Variants in LITAF observed in about 807,000 individuals in gnomAD.
The protein encoded by LITAF is lipopolysaccharide induced TNF factor, also known as lipopolysaccharide-induced tumor necrosis factor-alpha factor.
Under a neutral mutation model 14.5 loss-of-function variants are expected in LITAF, and 9 were observed. That is an observed-to-expected ratio of 0.62 (90% CI 0.37 to 1.08). The LOEUF is 1.08. LITAF is among the 50% of genes least tolerant of loss of function. The pLI, the probability that LITAF is intolerant of heterozygous loss-of-function variation, is 0.01. For synonymous variants in LITAF, 98 were observed against 88.2 expected (o/e 1.11, Z -0.62); for missense variants, 206 against 213.4 (o/e 0.97, Z 0.22).
chr16:11,554,794 A>C (rs929157493), intron 2 of LITAF, among the ~76,000 whole-genome samples: 1 of 151,258 alleles, frequency 6.6e-6, no homozygotes, highest in Non-Finnish European at 1.5e-5. Flanking sequence ...CCTCAAAAAA[A>C]AAAAAAAAAA....
intron 1 of LITAF, among the ~76,000 whole-genome samples, chr16:11,575,838 C>T (rs750872150): frequency 1.3e-5 from 2 of 152,098 alleles, no homozygotes; most frequent in Non-Finnish European, 1.5e-5. Flanking sequence ...AACATTCCCC[C>T]GAAAAAAGTA....
At chr16:11,588,848 C>CTT (rs33986200), upstream of LITAF, among the ~76,000 whole-genome samples, 198 of 148,196 alleles carry the variant, frequency 1.3e-3, no homozygotes, top group Non-Finnish European at 2.2e-3. Flanking sequence ...CCCTCCCAAC[C>CTT]TTTTCTCCTT....
intron 1 of LITAF, among the ~76,000 whole-genome samples, chr16:11,573,181 C>T (rs2064573126): frequency 6.6e-6 from 1 of 152,096 alleles, no homozygotes; most frequent in Non-Finnish European, 1.5e-5. Flanking sequence ...CCGCCTGCCT[C>T]GGCCTCCCAA....
exon 3 of LITAF, chr16:11,633,572 T>C (rs1299449991): frequency 2.6e-5 from 4 of 152,148 alleles, no homozygotes. Flanking sequence ...CTGGTCTTCC[T>C]CACTGCTACA....
At chr16:11,599,125 T>TG (rs901963442), upstream of LITAF, among the ~76,000 whole-genome samples, 1 of 145,516 alleles carries the variant, frequency 6.9e-6, no homozygotes, top group Admixed American at 6.9e-5. Flanking sequence ...AAGCCTTTTA[T>TG]GGGGGGGTGG....
chr16:11,638,060 A>C (rs1292605422), upstream of LITAF, among the ~76,000 whole-genome samples: 5 of 127,944 alleles, frequency 3.9e-5, 1 homozygote, highest in African/African-American at 6.5e-5. Flanking sequence ...ATATCTATAT[A>C]TATATCTATA....
At position 11,548,707 on chromosome 16, in the gene LITAF, A is replaced by G. The variant is rs963546357; in HGVS notation, c.*930T>C. 2 of 453,472 alleles carry G rather than the reference A, an allele frequency of 4.4e-6. No individual in the cohort carries two copies. Among genetic ancestry groups the G allele is most frequent in the African/African-American group, 2.0e-5 (1 of 49,908 alleles). 28.1% of individuals were successfully genotyped at this position (453,472 alleles called of 1,614,324 possible). A position where few individuals can be genotyped will look rare whatever the true frequency, so the allele number is the denominator to read the frequency against. On this transcript the variant is annotated 3_prime_UTR_variant, in exon 4 of 4. Coordinates refer to ENST00000622633, the MANE Select transcript of LITAF (RefSeq NM_001136472.2). ...AAATTATGTTCAGGCCCAGCATGGT[A>G]GCTTATGCCTGCAATCCCAGCACTT...
In LITAF at chr16:11,548,842, A is replaced by G. The variant is rs1190672149; in HGVS notation, c.*795T>C. ...TTTTAAAAAAAAGAAATTCTGTTCA[A>G]AAGTATTTCAGACCAAAAGGAGGTC... On this transcript the variant is annotated 3_prime_UTR_variant, in exon 4 of 4. Coordinates refer to ENST00000622633, the MANE Select transcript of LITAF (RefSeq NM_001136472.2). The G allele has an allele frequency of 4.4e-6, 2 of 453,614 alleles. No individual in the cohort carries two copies. The highest frequency in any genetic ancestry group is 2.0e-5 in the African/African-American group (1 of 49,908). The allele number at this position is 453,614 out of a possible 1,614,324, so 28.1% of individuals were successfully genotyped here.
rs773671488 is a variant in LITAF at position 11,632,272 on chromosome 16, G to A, written c.85+1261C>T. Among the ~76,000 whole-genome samples, 6 of 152,138 alleles carry A rather than the reference G, an allele frequency of 3.9e-5. No individual in the cohort carries two copies. Among genetic ancestry groups the A allele is most frequent in the Non-Finnish European group, 7.3e-5 (5 of 68,028 alleles). On this transcript the variant is annotated intron_variant, in intron 3 of 3. Transcript: ENST00000574848. The surrounding 1 kb of genome is among the most constrained non-coding windows in gnomAD (Gnocchi z 4.8). Reference sequence around the variant, plus strand: ...TCATTATCAAGTAACTACAGCTGCCGTGGGGAACAGGATTAGGCAATCCGC... The same window carrying A: ...TCATTATCAAGTAACTACAGCTGCCATGGGGAACAGGATTAGGCAATCCGC...
At chr16:11,633,485 A>G (rs2065126778) in intron 3 of LITAF, 1 of 152,134 alleles carries the variant, frequency 6.6e-6, no homozygotes, top group South Asian at 2.1e-4. Context: ...AGATCTAAAT[A>G]CTTTGCTGAT....
At chr16:11,600,416 G>C (rs907792126), upstream of LITAF, among the ~76,000 whole-genome samples, 3 of 152,262 alleles carry the variant, frequency 2.0e-5, no homozygotes, top group African/African-American at 7.2e-5. The surrounding 1 kb of genome is among the most constrained non-coding windows in gnomAD (Gnocchi z 4.1). Context: ...GCCTGTGAGA[G>C]TGGCAGGAGG....
Position 11,548,047 on chromosome 16 carries a change from G to C in LITAF, c.*1590C>G, listed in dbSNP as rs989790230. 6.6e-6 allele frequency: 3 copies of C among 453,966 alleles called. No homozygotes were observed. The highest frequency in any genetic ancestry group is 8.8e-6 in the Non-Finnish European group (2 of 226,804). 28.1% of individuals were successfully genotyped at this position (453,966 alleles called of 1,614,324 possible). ...TTTTTCAAAAGCAGGTAACACCAAA[G>C]TACTATGTGGTATCCATATTCGTTG... On this transcript the variant is annotated 3_prime_UTR_variant, in exon 4 of 4. Transcript: ENST00000622633.
rs376296739 is a variant in LITAF, at chr16:11,549,642, A to G, written c.481T>C (p.Leu161=). The change falls in exon 4 of 4, where the codon TTG becomes CTG. Residue 161 remains leucine, a synonymous_variant. Transcript: ENST00000622633. This position sits in a 1 kb window ranked among gnomAD's most constrained non-coding sequence, Gnocchi z 4.6. ...CCTCCACGTCTGGCTGAGTCCTACAAACGCTTGTAGGTGCCCAGGAGAGCT... is the reference window on the plus strand; with the variant it reads ...CCTCCACGTCTGGCTGAGTCCTACAGACGCTTGTAGGTGCCCAGGAGAGCT... The part of the protein sequence containing the change: ...CRALLGTYKR[L] 35 of 1,612,362 alleles carry G rather than the reference A, an allele frequency of 2.2e-5. No homozygotes were observed. Among genetic ancestry groups the G allele is most frequent in the Non-Finnish European group, 1.4e-5 (17 of 1,179,128 alleles).
intron 1 of LITAF, among the ~76,000 whole-genome samples, chr16:11,564,955 G>A (rs2064427878): frequency 6.6e-6 from 1 of 151,614 alleles, no homozygotes; most frequent in Non-Finnish European, 1.5e-5. Flanking sequence ...GGAACCAGAT[G>A]GAAGTTGATG....
intron 3 of LITAF, chr16:11,551,828 C>A: frequency 1.8e-6 from 1 of 565,614 alleles, no homozygotes; most frequent in Non-Finnish European, 3.2e-6. Context: ...CAAGACTCAG[C>A]CTCAAACAAA....
At chr16:11,559,520 T>C (rs1429085227) in intron 1 of LITAF, among the ~76,000 whole-genome samples, 1 of 152,066 alleles carries the variant, frequency 6.6e-6, no homozygotes, top group Non-Finnish European at 1.5e-5. Context: ...TAGCATTCAA[T>C]TTGGGATAGA....
At chr16:11,587,344 C>T (rs897454309), upstream of LITAF, 6 of 451,786 alleles carry the variant, frequency 1.3e-5, no homozygotes, top group Middle Eastern at 7.0e-4. Context: ...CAACCTCGAC[C>T]CCGGACCCGC....
At chr16:11,606,327 C>T (rs1353078628) in intron 3 of LITAF, among the ~76,000 whole-genome samples, 1 of 151,862 alleles carries the variant, frequency 6.6e-6, no homozygotes, top group Non-Finnish European at 1.5e-5. Context: ...CACCACCATG[C>T]CCAGTTAATT....
chr16:11,611,127 T>C (rs1352704370), intron 3 of LITAF, among the ~76,000 whole-genome samples: 2 of 151,932 alleles, frequency 1.3e-5, no homozygotes, highest in African/African-American at 4.8e-5. Context: ...AGCAGGAGGA[T>C]CACTTGAGGC....
Sources: gnomAD v4.1 joint callset for allele counts (sites outside exome capture counted in the v4.1 genomes callset) on GRCh38, gnomAD v4.1.1 for gene constraint, Gnocchi (gnomAD v3.1) non-coding constraint, MANE v1.5 for transcripts, NCBI Gene and HGNC (gene_info 2026-07-23, HGNC 2026-07-21) for gene names.